Variants in CDYL observed in about 807,000 individuals in gnomAD.
The protein encoded by CDYL is chromodomain Y-like protein.
A neutral mutation model predicts 47.3 loss-of-function variants in CDYL; 8 were observed. The observed-to-expected ratio is 0.17, with a 90% confidence interval of 0.10 to 0.31. The LOEUF (loss-of-function observed/expected upper bound fraction) is 0.31, where lower values mean the gene tolerates loss of function less well. Ranked by LOEUF, CDYL falls within the 10% of genes least tolerant of loss-of-function variation. The pLI is 1.00. For synonymous variants in CDYL, 266 were observed against 265.0 expected (o/e 1.00, Z -0.04); for missense variants, 471 against 701.4 (o/e 0.67, Z 3.71).
At chr6:4,868,676 A>G (rs768554579) in intron 1 of CDYL, among the ~76,000 whole-genome samples, 17 of 152,154 alleles carry the variant, frequency 1.1e-4, no homozygotes, top group East Asian at 3.8e-4. Flanking sequence ...AGTCTTCTAT[A>G]TCATTGCCGA....
chr6:4,800,190 T>C (rs1293806358), intron 1 of CDYL, among the ~76,000 whole-genome samples: 1 of 152,172 alleles, frequency 6.6e-6, no homozygotes, highest in Non-Finnish European at 1.5e-5. Flanking sequence ...TATCATTTTT[T>C]GCTTTTCTTA....
intron 1 of CDYL, among the ~76,000 whole-genome samples, chr6:4,884,876 G>A (rs1311085803): frequency 6.6e-6 from 1 of 152,204 alleles, no homozygotes; most frequent in African/African-American, 2.4e-5. Context: ...TGCTCCTGCT[G>A]TGGGTAGGAA....
At chr6:4,853,234 C>G (rs918274034) in intron 1 of CDYL, among the ~76,000 whole-genome samples, 1 of 152,186 alleles carries the variant, frequency 6.6e-6, no homozygotes, top group African/African-American at 2.4e-5. Context: ...GTACATTTGT[C>G]AGGTACTGGT....
At chr6:4,917,651 G>A (rs1268442030) in intron 2 of CDYL, among the ~76,000 whole-genome samples, 2 of 152,196 alleles carry the variant, frequency 1.3e-5, no homozygotes, top group African/African-American at 4.8e-5. Context: ...TCTGCTGTTA[G>A]AATACTGAGA....
At chr6:4,937,154 C>A (rs1243755741) in intron 3 of CDYL, among the ~76,000 whole-genome samples, 1 of 152,060 alleles carries the variant, frequency 6.6e-6, no homozygotes, top group African/African-American at 2.4e-5. Flanking sequence ...CCCAGGAGTT[C>A]AAGACCATCC....
At chr6:4,890,537 A>G (rs1244986670) in intron 1 of CDYL, among the ~76,000 whole-genome samples, 1 of 152,222 alleles carries the variant, frequency 6.6e-6, no homozygotes, top group Non-Finnish European at 1.5e-5. Context: ...TCAGTTTTCT[A>G]TATCTCAAGT....
intron 2 of CDYL, among the ~76,000 whole-genome samples, chr6:4,893,044 T>C (rs7761022): frequency 0.09 from 13,641 of 152,266 alleles, 2,123 homozygotes; most frequent in African/African-American, 0.31. Flanking sequence ...GGAGTTCACA[T>C]GGGTGGCTTC....
At chr6:4,822,349 A>G (rs898430240) in intron 1 of CDYL, among the ~76,000 whole-genome samples, 1 of 152,160 alleles carries the variant, frequency 6.6e-6, no homozygotes, top group Non-Finnish European at 1.5e-5. Flanking sequence ...TTATTTTGCC[A>G]TAAATGGAGT....
intron 1 of CDYL, among the ~76,000 whole-genome samples, chr6:4,815,838 T>G (rs1296407628): frequency 6.6e-6 from 1 of 151,988 alleles, no homozygotes; most frequent in East Asian, 1.9e-4. Flanking sequence ...AATATATGTA[T>G]TTTTTGCTCT....
rs150083483 is a variant in CDYL at position 4,853,015 on chromosome 6, C to T, written c.25-38698C>T. ...TTGTTGCCCAGGCTGGTCTTGAACTCCTGGCCTCAAGTGGTCCTCCTCTTG... is the reference window on the plus strand; with the variant it reads ...TTGTTGCCCAGGCTGGTCTTGAACTTCTGGCCTCAAGTGGTCCTCCTCTTG... On this transcript the variant is annotated intron_variant, in intron 1 of 6. Transcript: ENST00000397588. 3.9e-3 allele frequency among the ~76,000 whole-genome samples: 600 copies of T among 152,216 alleles called. 1 individual carries two copies. Among genetic ancestry groups the T allele is most frequent in the African/African-American group, 0.014 (562 of 41,516 alleles).
intron 2 of CDYL, 60 bp downstream of exon 2, chr6:4,892,439 C>G: frequency 3.3e-6 from 5 of 1,509,446 alleles, no homozygotes; most frequent in Non-Finnish European, 3.5e-6. Context: ...GGGTCCTTCT[C>G]TAGAGATCAG....
At chr6:4,890,077 A>G (rs1762000780) in intron 1 of CDYL, 1 of 985,472 alleles carries the variant, frequency 1.0e-6, no homozygotes, top group Non-Finnish European at 1.2e-6. Flanking sequence ...GCAAACGGGA[A>G]TACTCTGGTT....
At chr6:4,840,567 G>A (rs1760457578) in intron 1 of CDYL, among the ~76,000 whole-genome samples, 2 of 152,130 alleles carry the variant, frequency 1.3e-5, no homozygotes, top group South Asian at 2.1e-4. Context: ...TTAAAGTTAT[G>A]TCCCTTCTAT....
In CDYL at chr6:4,776,725, G is replaced by C. The variant is rs1758462220; in HGVS notation, c.-59G>C. 3.9e-6 allele frequency: 5 copies of C among 1,268,708 alleles called. No individual in the cohort carries two copies. The highest frequency in any genetic ancestry group is 5.1e-6 in the Non-Finnish European group (5 of 984,926). 78.6% of individuals were successfully genotyped at this position (1,268,708 alleles called of 1,614,324 possible). ...ACCCAACTGAAACAAAGTGTCGGCC[G>C]CCCGGCGCCGGCGCCCGCCCCGACC... On this transcript the variant is annotated 5_prime_UTR_variant, in exon 1 of 7. Coordinates refer to ENST00000397588, the MANE Select transcript of CDYL (RefSeq NM_004824.4).
chr6:4,932,447 C>T (rs1758059946), intron 2 of CDYL, among the ~76,000 whole-genome samples: 1 of 152,206 alleles, frequency 6.6e-6, no homozygotes, highest in South Asian at 2.1e-4. Context: ...GGCCCCACCT[C>T]CTCAGACCAT....
chr6:4,711,620 G>A (rs76484896), intron 1 of CDYL, among the ~76,000 whole-genome samples: 1 of 152,150 alleles, frequency 6.6e-6, no homozygotes, highest in East Asian at 1.9e-4. Flanking sequence ...TGTGAGGGAG[G>A]GGGGAGGAGG....
intron 2 of CDYL, among the ~76,000 whole-genome samples, chr6:4,895,696 C>G (rs1444485832): frequency 2.0e-5 from 3 of 152,076 alleles, no homozygotes; most frequent in Non-Finnish European, 2.9e-5. Context: ...CTGGTTCCCT[C>G]TCGTGTGTTA....
chr6:4,803,620 G>T (rs1759285934), intron 1 of CDYL, among the ~76,000 whole-genome samples: 1 of 152,054 alleles, frequency 6.6e-6, no homozygotes, highest in Admixed American at 6.5e-5. Context: ...TTGCCTGTCT[G>T]CGTGGGCTCT....
intron 2 of CDYL, among the ~76,000 whole-genome samples, chr6:4,894,355 A>G (rs577307597): frequency 7.9e-5 from 12 of 152,284 alleles, no homozygotes; most frequent in African/African-American, 2.4e-4. Context: ...AGTGCTACCA[A>G]AAAGGACTGA....
Sources: allele counts gnomAD v4.1 joint callset (sites outside exome capture counted in the v4.1 genomes callset), GRCh38; gene constraint gnomAD v4.1.1; transcripts MANE v1.5; gene names NCBI Gene and HGNC (gene_info 2026-07-23, HGNC 2026-07-21).